MGAT5B: variants seen among roughly 807,000 people sequenced by gnomAD.
The protein encoded by MGAT5B is N-acetylglucosaminyl-transferase Vb.
In MGAT5B, 54 loss-of-function variants were observed where a neutral mutation model predicts 95.1. The observed-to-expected ratio is 0.57, with a 90% CI of 0.46 to 0.71. The LOEUF (loss-of-function observed/expected upper bound fraction) is 0.71. Ranked by LOEUF, MGAT5B falls within the 30% of genes least tolerant of loss-of-function variation. MGAT5B has a pLI of 0.00. For missense variants in MGAT5B, 935 were observed against 1,088.6 expected (o/e 0.86, Z 1.99); for synonymous variants, 464 against 451.0 (o/e 1.03, Z -0.36).
chr17:76,939,075 T>A (rs977778724), intron 13 of MGAT5B, among the ~76,000 whole-genome samples: 1 of 128,824 alleles, frequency 7.8e-6, no homozygotes. Context: ...TGTGTGTGTG[T>A]TGGGGGCAGT....
intron 3 of MGAT5B, among the ~76,000 whole-genome samples, chr17:76,899,958 T>G (rs901095764): frequency 9.2e-5 from 14 of 152,152 alleles, no homozygotes; most frequent in Non-Finnish European, 1.9e-4. Flanking sequence ...GGCTGCTGCT[T>G]CAACCACATC....
At position 76,949,061 on chromosome 17, in the gene MGAT5B, C is replaced by T. The variant is rs1233447471; in HGVS notation, c.*223C>T. On this transcript the variant is annotated 3_prime_UTR_variant, in exon 18 of 18. Coordinates refer to ENST00000569840, the MANE Select transcript of MGAT5B (RefSeq NM_001199172.2). ...CTCCCAGGCAGGCTCCGGTTCTCTC[C>T]TGGGGACTCACAGAAGCATCGTGGC... 1 of 607,644 alleles carries T rather than the reference C, an allele frequency of 1.6e-6. No homozygotes were observed. Among genetic ancestry groups the T allele is most frequent in the Non-Finnish European group, 2.9e-6 (1 of 346,976 alleles). 37.6% of individuals were successfully genotyped at this position (607,644 alleles called of 1,614,324 possible). A position where few individuals can be genotyped will look rare whatever the true frequency, so the allele number is the denominator to read the frequency against.
At chr17:76,893,562 T>C (rs1271407123) in intron 3 of MGAT5B, among the ~76,000 whole-genome samples, 1 of 152,254 alleles carries the variant, frequency 6.6e-6, no homozygotes, top group Non-Finnish European at 1.5e-5. Context: ...CAGGGGCATC[T>C]GCACCAGCTG....
chr17:76,935,605 CTTTTT>C (rs61424892), intron 12 of MGAT5B, among the ~76,000 whole-genome samples: 1 of 113,382 alleles, frequency 8.8e-6, no homozygotes. Context: ...TTCCATATAT[CTTTTT>C]TTTTTTTTTT....
chr17:76,870,826 C>T lies in MGAT5B; in HGVS notation c.68+1729C>T, dbSNP rs1205853048. 2.6e-5 allele frequency among the ~76,000 whole-genome samples: 4 copies of T among 152,104 alleles called. No homozygotes were observed. The highest frequency in any genetic ancestry group is 9.7e-5 in the African/African-American group (4 of 41,426). On this transcript the variant is annotated intron_variant, in intron 1 of 17. Coordinates refer to ENST00000569840, the MANE Select transcript of MGAT5B (RefSeq NM_001199172.2). This position sits in a 1 kb window ranked among gnomAD's most constrained non-coding sequence, Gnocchi z 5.0. ...TGGGGTCCTGTTCCCTGTGGTTTTC[C>T]CAGGGCTGCTGGCAGGGTCTTTATT... is the stretch of plus-strand genomic sequence containing the variant.
chr17:76,932,085 T>TCCCC (rs34615968), intron 10 of MGAT5B, among the ~76,000 whole-genome samples: 18 of 121,966 alleles, frequency 1.5e-4, no homozygotes, highest in South Asian at 9.5e-4. Context: ...CTCCTCCTCC[T>TCCCC]CCCCCCCCCC....
intron 4 of MGAT5B, 135 bp downstream of exon 4, chr17:76,902,805 C>T: frequency 1.4e-6 from 1 of 721,624 alleles, no homozygotes; most frequent in Non-Finnish European, 2.3e-6. Context: ...CTCTTCGGGG[C>T]CCCAGTTTAG....
At chr17:76,908,593 A>C (rs2145200730) in intron 8 of MGAT5B, among the ~76,000 whole-genome samples, 1 of 151,538 alleles carries the variant, frequency 6.6e-6, no homozygotes, top group South Asian at 2.1e-4. Context: ...TTGACTTAAA[A>C]ATGTTTCTAT....
At chr17:76,948,505 C>T in intron 17 of MGAT5B, 135 bp from the exon 18 acceptor site, 4 of 964,960 alleles carry the variant, frequency 4.1e-6, no homozygotes, top group Non-Finnish European at 6.1e-6. Context: ...TAACACATTT[C>T]CTTACCCAGG....
rs1413406669 is a variant in MGAT5B at position 76,869,489 on chromosome 17, C to A, written c.68+392C>A. Among the ~76,000 whole-genome samples the A allele has an allele frequency of 1.3e-5, 2 of 152,124 alleles. No homozygotes were observed. The highest frequency in any genetic ancestry group is 4.8e-5 in the African/African-American group (2 of 41,424). ...CGGGTGGCAAAGTTAGTGTGCGGCGCCTTGGAGCTCCCCCTCCGGTCCCTC... is the reference window on the plus strand; with the variant it reads ...CGGGTGGCAAAGTTAGTGTGCGGCGACTTGGAGCTCCCCCTCCGGTCCCTC... On this transcript the variant is annotated intron_variant, in intron 1 of 17. Coordinates refer to ENST00000569840, the MANE Select transcript of MGAT5B (RefSeq NM_001199172.2). This position sits in a 1 kb window ranked among gnomAD's most constrained non-coding sequence, Gnocchi z 7.0.
rs2145153454 is a variant in MGAT5B, at chr17:76,889,367, A to C, written c.329+7069A>C. Among the ~76,000 whole-genome samples, 1 of 152,254 alleles carries C rather than the reference A, an allele frequency of 6.6e-6. No individual in the cohort carries two copies. Among genetic ancestry groups the C allele is most frequent in the Admixed American group, 6.5e-5 (1 of 15,310 alleles). On this transcript the variant is annotated intron_variant, in intron 3 of 17. Transcript: ENST00000569840. This position sits in a 1 kb window ranked among gnomAD's most constrained non-coding sequence, Gnocchi z 4.4. ...CCACCAAGGGGTGGCTCCAGCAGGC[A>C]GGGAGGGAAGAGCTCTCAGGGAACA... is the stretch of plus-strand genomic sequence containing the variant.
chr17:76,885,174 C>A (rs1411450434), intron 3 of MGAT5B, among the ~76,000 whole-genome samples: 2 of 152,116 alleles, frequency 1.3e-5, no homozygotes, highest in African/African-American at 4.8e-5. Context: ...CCTTGGAAAT[C>A]CCCCTGAGGC....
intron 1 of MGAT5B, chr17:76,872,593 G>A: frequency 7.1e-7 from 1 of 1,402,410 alleles, no homozygotes. Flanking sequence ...GAGCCCGCCT[G>A]CCTCATGCCT....
intron 3 of MGAT5B, among the ~76,000 whole-genome samples, chr17:76,886,980 G>C (rs1159879000): frequency 6.6e-6 from 1 of 152,110 alleles, no homozygotes; most frequent in Non-Finnish European, 1.5e-5. Flanking sequence ...AGAGGCGGAG[G>C]CTGCACTGAG....
intron 2 of MGAT5B, among the ~76,000 whole-genome samples, chr17:76,880,791 C>G (rs9911209): frequency 6.6e-6 from 1 of 152,028 alleles, no homozygotes; most frequent in Non-Finnish European, 1.5e-5. Flanking sequence ...GTTGGGCGCC[C>G]GGGTGGTAAT....
intron 8 of MGAT5B, among the ~76,000 whole-genome samples, chr17:76,920,729 G>A (rs143534906): frequency 1.2e-3 from 187 of 152,194 alleles, no homozygotes; most frequent in Non-Finnish European, 2.1e-3. Context: ...CTCCTCTCCC[G>A]TGATGTCCTT....
chr17:76,924,577 T>C (rs1194693738), intron 8 of MGAT5B, among the ~76,000 whole-genome samples: 1 of 151,898 alleles, frequency 6.6e-6, no homozygotes, highest in Admixed American at 6.5e-5. Flanking sequence ...GGGGCCCTCA[T>C]CCAGACAAAC....
chr17:76,946,903 C>T (rs947366007), intron 16 of MGAT5B, among the ~76,000 whole-genome samples: 16 of 152,222 alleles, frequency 1.1e-4, no homozygotes, highest in African/African-American at 2.4e-4. Flanking sequence ...TTCAAAAACT[C>T]GGCCACCTCA....
chr17:76,888,313 C>G (rs756582665), intron 3 of MGAT5B, among the ~76,000 whole-genome samples: 19 of 151,880 alleles, frequency 1.3e-4, no homozygotes, highest in Non-Finnish European at 2.2e-4. Context: ...CTCCATGTCC[C>G]GTGTGGTGTG....
Sources: gnomAD v4.1 joint callset for allele counts (sites outside exome capture counted in the v4.1 genomes callset) on GRCh38, gnomAD v4.1.1 for gene constraint, Gnocchi (gnomAD v3.1) non-coding constraint, MANE v1.5 for transcripts, NCBI Gene and HGNC (gene_info 2026-07-23, HGNC 2026-07-21) for gene names.